Variants in PHF24 observed in about 807,000 individuals in gnomAD.
The protein encoded by PHF24 is PHD finger protein 24.
Under a neutral mutation model 42.6 loss-of-function variants are expected in PHF24, and 25 were observed. That is an observed-to-expected ratio of 0.59 (90% confidence interval 0.43 to 0.82). PHF24 has a LOEUF of 0.82. PHF24 is among the 40% of genes least tolerant of loss of function. The pLI, the probability that PHF24 is intolerant of heterozygous loss-of-function variation, is 0.00. For missense variants in PHF24, 470 were observed against 538.1 expected (o/e 0.87, Z 1.25); for synonymous variants, 185 against 204.8 (o/e 0.90, Z 0.83).
the PHF24 span, among the ~76,000 whole-genome samples, chr9:34,937,122 C>T: frequency 6.6e-6 from 1 of 151,982 alleles, no homozygotes; most frequent in African/African-American, 2.4e-5. Context: ...AGCCCCTCTG[C>T]CCGGCCACCA....
At chr9:34,970,270 A>C (rs1826928365) in intron 1 of PHF24, among the ~76,000 whole-genome samples, 1 of 152,172 alleles carries the variant, frequency 6.6e-6, no homozygotes, top group South Asian at 2.1e-4. Flanking sequence ...TACCACAGAG[A>C]AGAGCAGGTC....
chr9:34,808,500 C>A, the PHF24 span, among the ~76,000 whole-genome samples: 1 of 152,152 alleles, frequency 6.6e-6, no homozygotes, highest in African/African-American at 2.4e-5. Context: ...TTGCCTTAGT[C>A]CATTTTGTGC....
At chr9:34,706,231 A>G in the PHF24 span, among the ~76,000 whole-genome samples, 1 of 152,236 alleles carries the variant, frequency 6.6e-6, no homozygotes, top group Non-Finnish European at 1.5e-5. Flanking sequence ...ATGGTAATAT[A>G]ATCATGATCT....
the PHF24 span, among the ~76,000 whole-genome samples, chr9:34,878,999 G>C: frequency 1.3e-5 from 2 of 152,164 alleles, no homozygotes; most frequent in Non-Finnish European, 2.9e-5. Context: ...GGTGCCCTTT[G>C]AGATGAAGCT....
chr9:34,910,119 T>C, the PHF24 span, among the ~76,000 whole-genome samples: 1 of 152,236 alleles, frequency 6.6e-6, no homozygotes, highest in Non-Finnish European at 1.5e-5. Flanking sequence ...AACTCTCTGT[T>C]GTATGTCTAT....
At chr9:34,802,615 T>A in the PHF24 span, among the ~76,000 whole-genome samples, 3 of 152,358 alleles carry the variant, frequency 2.0e-5, no homozygotes, top group East Asian at 5.8e-4. Flanking sequence ...CCTTACCAAA[T>A]GAAACTAATT....
At chr9:34,761,871 A>T in the PHF24 span, among the ~76,000 whole-genome samples, 1 of 152,056 alleles carries the variant, frequency 6.6e-6, no homozygotes, top group East Asian at 1.9e-4. Context: ...AACAGTCCTC[A>T]GAGTGTGATG....
chr9:34,927,045 A>G, the PHF24 span, among the ~76,000 whole-genome samples: 1 of 152,202 alleles, frequency 6.6e-6, no homozygotes, highest in Non-Finnish European at 1.5e-5. Context: ...GCATGGGAGC[A>G]TAGCCACTCC....
chr9:34,837,348 T>A, the PHF24 span: 1 of 373,190 alleles, frequency 2.7e-6, no homozygotes, highest in South Asian at 2.4e-5. Flanking sequence ...GAGAGGATCA[T>A]CAGATGCCCA....
the PHF24 span, among the ~76,000 whole-genome samples, chr9:34,714,551 G>A: frequency 6.6e-6 from 1 of 152,230 alleles, no homozygotes; most frequent in African/African-American, 2.4e-5. Flanking sequence ...GCCAACAAAT[G>A]TGTATTTTTA....
the PHF24 span, among the ~76,000 whole-genome samples, chr9:34,936,182 C>A: frequency 6.6e-6 from 1 of 152,196 alleles, no homozygotes; most frequent in African/African-American, 2.4e-5. Flanking sequence ...GATTCTCCTG[C>A]CTCAGCCTGC....
the PHF24 span, among the ~76,000 whole-genome samples, chr9:34,691,542 T>C: frequency 1.3e-5 from 2 of 152,352 alleles, no homozygotes; most frequent in South Asian, 2.1e-4. Flanking sequence ...ATCCCATTGA[T>C]GGCATTTGCA....
chr9:34,943,225 G>C, the PHF24 span, among the ~76,000 whole-genome samples: 19 of 152,292 alleles, frequency 1.2e-4, no homozygotes, highest in South Asian at 2.1e-3. Context: ...GAGTCCGCTT[G>C]CTAGGGAAGA....
At chr9:34,711,480 G>T in the PHF24 span, among the ~76,000 whole-genome samples, 1 of 150,758 alleles carries the variant, frequency 6.6e-6, no homozygotes, top group South Asian at 2.1e-4. Context: ...CAATTCACCC[G>T]CCTTGGCCTC....
At chr9:34,752,286 G>A in the PHF24 span, among the ~76,000 whole-genome samples, 43 of 152,004 alleles carry the variant, frequency 2.8e-4, no homozygotes, top group East Asian at 7.1e-3. Flanking sequence ...AAACAAAATT[G>A]ACAAACCTTT....
the PHF24 span, among the ~76,000 whole-genome samples, chr9:34,687,380 G>A: frequency 2.0e-5 from 3 of 152,172 alleles, no homozygotes; most frequent in African/African-American, 7.2e-5. Context: ...AAAGATTCAG[G>A]AGCCAAGTCT....
At chr9:34,690,185 G>GCTAGACA in the PHF24 span, 1 of 1,613,674 alleles carries the variant, frequency 6.2e-7, no homozygotes, top group Non-Finnish European at 8.5e-7. Flanking sequence ...GGGAGATGAG[G>GCTAGACA]CTAGACACCC....
chr9:34,840,094 G>A, the PHF24 span, among the ~76,000 whole-genome samples: 19 of 152,304 alleles, frequency 1.2e-4, no homozygotes, highest in South Asian at 1.9e-3. Flanking sequence ...GGGAAAGATT[G>A]GAGGAGCAGG....
At chr9:34,721,399 T>TTCTCTCTCTC in the PHF24 span, among the ~76,000 whole-genome samples, 1,640 of 139,298 alleles carry the variant, frequency 0.012, 44 homozygotes, top group African/African-American at 0.041. Context: ...TGTCTTTCCA[T>TTCTCTCTCTC]TCTCTCTCTC....
Sources: gnomAD v4.1 joint callset for allele counts (sites outside exome capture counted in the v4.1 genomes callset) on GRCh38, gnomAD v4.1.1 for gene constraint, MANE v1.5 for transcripts, NCBI Gene and HGNC (gene_info 2026-07-23, HGNC 2026-07-21) for gene names.